The following CCDC192 variants were observed in gnomAD, a reference collection of about 807,000 sequenced individuals.
The protein encoded by CCDC192 is coiled-coil domain containing 192, also known as coiled-coil domain-containing protein 192.
intron 6 of CCDC192, among the ~76,000 whole-genome samples, chr5:127,923,488 C>T (rs760486471): frequency 6.6e-6 from 1 of 151,948 alleles, no homozygotes; most frequent in Non-Finnish European, 1.5e-5. Context: ...CGCCATTCTC[C>T]TGCCTCAGCC....
chr5:127,810,695 A>G (rs868468344), intron 5 of CCDC192, among the ~76,000 whole-genome samples: 2 of 152,208 alleles, frequency 1.3e-5, no homozygotes, highest in Non-Finnish European at 1.5e-5. Context: ...CATACTACCT[A>G]ATAGAATAAT....
intron 6 of CCDC192, among the ~76,000 whole-genome samples, chr5:127,939,995 C>T (rs992790192): frequency 1.3e-5 from 2 of 152,120 alleles, no homozygotes; most frequent in Non-Finnish European, 2.9e-5. Context: ...TATATAGCTC[C>T]GAGACATTTA....
chr5:127,724,860 A>AAT (rs1352497074), intron 2 of CCDC192, among the ~76,000 whole-genome samples: 3 of 151,536 alleles, frequency 2.0e-5, no homozygotes, highest in Non-Finnish European at 4.4e-5. Context: ...AAAAAAAAAA[A>AAT]AAAGAAGAAA....
At chr5:127,925,559 A>C (rs1212031272) in intron 6 of CCDC192, among the ~76,000 whole-genome samples, 1 of 152,218 alleles carries the variant, frequency 6.6e-6, no homozygotes, top group Non-Finnish European at 1.5e-5. Context: ...AGTAAAATTT[A>C]AACTAAAAGC....
chr5:127,778,848 A>G (rs1756021824), intron 3 of CCDC192, among the ~76,000 whole-genome samples: 1 of 151,534 alleles, frequency 6.6e-6, no homozygotes, highest in South Asian at 2.1e-4. Context: ...AGTTTTAGTA[A>G]TTCATGGTTT....
chr5:127,780,143 A>G (rs914933719), intron 3 of CCDC192, among the ~76,000 whole-genome samples: 4 of 152,018 alleles, frequency 2.6e-5, no homozygotes, highest in Non-Finnish European at 5.9e-5. Context: ...ATATATATAC[A>G]CACACACATA....
chr5:127,806,408 A>AC (rs567920405), intron 5 of CCDC192, among the ~76,000 whole-genome samples: 3 of 151,276 alleles, frequency 2.0e-5, no homozygotes, highest in Non-Finnish European at 2.9e-5. Context: ...TTCCTGCCAC[A>AC]CCCCCCACCC....
chr5:127,893,282 C>T (rs544114898), intron 6 of CCDC192, among the ~76,000 whole-genome samples: 2 of 152,316 alleles, frequency 1.3e-5, no homozygotes, highest in East Asian at 3.9e-4. Flanking sequence ...AGACAAGTCC[C>T]TTACTATCTC....
intron 3 of CCDC192, among the ~76,000 whole-genome samples, chr5:127,756,653 C>A (rs978382838): frequency 1.3e-5 from 2 of 152,202 alleles, no homozygotes; most frequent in African/African-American, 4.8e-5. Flanking sequence ...GCTGCATGAA[C>A]CCTAAATTGT....
At chr5:127,803,373 C>A (rs116591083) in intron 5 of CCDC192, among the ~76,000 whole-genome samples, 1 of 152,284 alleles carries the variant, frequency 6.6e-6, no homozygotes, top group African/African-American at 2.4e-5. Flanking sequence ...GAGCCATCAC[C>A]GGGCTAAGCT....
In CCDC192 at chr5:127,832,422, C is replaced by T. The variant is rs991714702; in HGVS notation, c.411+34260C>T. On this transcript the variant is annotated intron_variant, in intron 5 of 6. Coordinates refer to ENST00000514853, the MANE Select transcript of CCDC192 (RefSeq NM_001317938.2). ...GAAGAAACTCCTGCACCAGAAGAAT[C>T]GCTGCAAAATGATCTAGACAGTATA... is the stretch of plus-strand genomic sequence containing the variant. Among the ~76,000 whole-genome samples the T allele has an allele frequency of 1.2e-4, 18 of 152,006 alleles. 1 individual carries two copies. The highest frequency in any genetic ancestry group is 1.1e-3 in the Admixed American group (17 of 15,246).
chr5:127,824,233 T>G (rs938694063), intron 5 of CCDC192, among the ~76,000 whole-genome samples: 14 of 152,302 alleles, frequency 9.2e-5, no homozygotes, highest in Admixed American at 7.8e-4. Flanking sequence ...CAACAACTTC[T>G]TTCTTAGCTG....
intron 5 of CCDC192, among the ~76,000 whole-genome samples, chr5:127,862,244 T>A (rs1751401170): frequency 6.6e-6 from 1 of 152,198 alleles, no homozygotes; most frequent in Non-Finnish European, 1.5e-5. Context: ...AAACTGGCCT[T>A]CTACAGAAAA....
intron 3 of CCDC192, among the ~76,000 whole-genome samples, chr5:127,789,188 C>T (rs556194940): frequency 1.3e-5 from 2 of 152,278 alleles, no homozygotes; most frequent in South Asian, 4.1e-4. Flanking sequence ...TGGGATGCTA[C>T]TGTAACATAT....
chr5:127,732,500 C>T (rs1024905612), intron 2 of CCDC192, among the ~76,000 whole-genome samples: 2 of 152,166 alleles, frequency 1.3e-5, no homozygotes, highest in Non-Finnish European at 2.9e-5. Flanking sequence ...TAGGTATATA[C>T]CCAGAGGAAT....
chr5:127,715,017 G>A (rs183262397), intron 2 of CCDC192, among the ~76,000 whole-genome samples: 1 of 151,754 alleles, frequency 6.6e-6, no homozygotes, highest in East Asian at 1.9e-4. Flanking sequence ...ATATATTCTG[G>A]TTATTAACGC....
intron 2 of CCDC192, among the ~76,000 whole-genome samples, chr5:127,715,497 A>G (rs898174474): frequency 2.0e-5 from 3 of 152,184 alleles, no homozygotes; most frequent in Non-Finnish European, 4.4e-5. Context: ...GCTTTGCAGT[A>G]TATTTAGAAG....
rs1580503065 is a variant in CCDC192 at position 127,706,651 on chromosome 5, A to C, written c.63-1058A>C. Among the ~76,000 whole-genome samples the C allele has an allele frequency of 4.6e-5, 7 of 152,120 alleles. No homozygotes were observed. The East Asian group carries it at 1.3e-3, about 29-fold the overall frequency. On this transcript the variant is annotated intron_variant, in intron 1 of 6. Coordinates refer to ENST00000514853, the MANE Select transcript of CCDC192 (RefSeq NM_001317938.2). ...TCAACAAATATTTGTTGACCACCCT[A>C]TCCTTCTTCAAGATGCTGAGGGTAA...
intron 6 of CCDC192, among the ~76,000 whole-genome samples, chr5:127,894,127 A>G (rs990928296): frequency 6.6e-6 from 1 of 152,052 alleles, no homozygotes; most frequent in Non-Finnish European, 1.5e-5. Flanking sequence ...CCTACTACTT[A>G]AAGGATAGAC....
Sources: allele counts gnomAD v4.1 joint callset (sites outside exome capture counted in the v4.1 genomes callset), GRCh38; gene constraint gnomAD v4.1.1; transcripts MANE v1.5; gene names NCBI Gene and HGNC (gene_info 2026-07-23, HGNC 2026-07-21).